The following TRMT61B variants were observed in gnomAD, a reference collection of about 807,000 sequenced individuals.
The protein encoded by TRMT61B is tRNA methyltransferase 61B.
Under a neutral mutation model 52.0 loss-of-function variants are expected in TRMT61B, and 56 were observed. The ratio of observed to expected loss-of-function variants is 1.08; its 90% CI spans 0.87 to 1.35. TRMT61B has a LOEUF of 1.35. Among genes scored for constraint, TRMT61B ranks in the 40% most tolerant of loss-of-function variants. The probability of loss-of-function intolerance (pLI) is 0.00; values close to 1 mark genes in which losing one functional copy is unlikely to be tolerated. For missense variants in TRMT61B, 650 were observed against 577.9 expected (o/e 1.12, Z -1.28); for synonymous variants, 206 against 220.0 (o/e 0.94, Z 0.56).
rs6715853 is a variant in TRMT61B at position 28,857,251 on chromosome 2, T to A, written c.993+3867A>T. Among the ~76,000 whole-genome samples the A allele has an allele frequency of 2.6e-3, 396 of 152,064 alleles. 1 individual carries two copies. The highest frequency in any genetic ancestry group is 9.1e-3 in the African/African-American group (376 of 41,498). ...GCCTGGCCCACAGCTATTTTTTTTTTAATTTTTTAATATTTCTTATTCATT... is the reference window on the plus strand; with the variant it reads ...GCCTGGCCCACAGCTATTTTTTTTTAAATTTTTTAATATTTCTTATTCATT... On this transcript the variant is annotated intron_variant, in intron 3 of 6. Coordinates refer to ENST00000306108, the MANE Select transcript of TRMT61B (RefSeq NM_017910.4).
intron 3 of TRMT61B, among the ~76,000 whole-genome samples, chr2:28,855,414 G>C (rs1278913509): frequency 1.3e-5 from 2 of 152,176 alleles, no homozygotes; most frequent in African/African-American, 4.8e-5. Context: ...AGAATGCAAG[G>C]AAGGATGACA....
intron 1 of TRMT61B, 40 bp downstream of exon 1, chr2:28,869,539 C>G: frequency 7.0e-7 from 1 of 1,427,902 alleles, no homozygotes; most frequent in Non-Finnish European, 9.7e-7. Flanking sequence ...TGTCTTTGCC[C>G]CTCCTGAAAC....
At chr2:28,862,612 C>T (rs375878887) in intron 2 of TRMT61B, among the ~76,000 whole-genome samples, 2 of 151,540 alleles carry the variant, frequency 1.3e-5, no homozygotes, top group Middle Eastern at 3.4e-3. Flanking sequence ...GGATTACAGA[C>T]GTGAGCCACC....
At chr2:28,864,926 A>G (rs1669765673) in intron 2 of TRMT61B, 91 bp downstream of exon 2, 2 of 740,722 alleles carry the variant, frequency 2.7e-6, no homozygotes, top group African/African-American at 3.5e-5. Context: ...AATGTTAGGT[A>G]TTTTCCCAAA....
chr2:28,857,737 A>T (rs1253893193), intron 3 of TRMT61B, among the ~76,000 whole-genome samples: 1 of 152,184 alleles, frequency 6.6e-6, no homozygotes, highest in East Asian at 1.9e-4. Context: ...ATGGACCCCA[A>T]ACTTATTTCC....
intron 4 of TRMT61B, 71 bp from the exon 5 acceptor site, chr2:28,851,369 C>T: frequency 9.7e-7 from 1 of 1,033,364 alleles, no homozygotes; most frequent in Non-Finnish European, 1.4e-6. Context: ...TTCCCTATAC[C>T]TCTTGCCCAC....
chr2:28,858,234 G>T (rs575049500), intron 3 of TRMT61B, among the ~76,000 whole-genome samples: 1 of 151,968 alleles, frequency 6.6e-6, no homozygotes, highest in South Asian at 2.1e-4. Flanking sequence ...TAGAGATGGG[G>T]TTTCACCATG....
At position 28,870,260 on chromosome 2, in the gene TRMT61B, G is replaced by T; in HGVS notation, c.18C>A (p.Cys6Ter). The change falls in exon 1 of 7, where the codon TGC (cysteine) becomes TGA (stop). Residue 6 changes from cysteine (C) to a stop codon, truncating the protein, a stop_gained. Coordinates refer to ENST00000306108, the MANE Select transcript of TRMT61B (RefSeq NM_017910.4). LOFTEE classifies it high-confidence loss of function. MLMAW[C>*]RGPVLLCLRQ... is the part of the protein sequence containing the mutation. ...GCAGGCACAGCAAGACAGGACCGCGGCACCATGCCATTAGCATAGTGTTTC... is the reference window on the plus strand; with the variant it reads ...GCAGGCACAGCAAGACAGGACCGCGTCACCATGCCATTAGCATAGTGTTTC... 6.3e-7 allele frequency: 1 copy of T among 1,593,996 alleles called. No individual in the cohort carries two copies.
chr2:28,853,063 G>A (rs1246751491), intron 3 of TRMT61B, among the ~76,000 whole-genome samples: 1 of 152,044 alleles, frequency 6.6e-6, no homozygotes, highest in African/African-American at 2.4e-5. Flanking sequence ...GGCTATGTAT[G>A]TATATATGAA....
At chr2:28,868,016 C>T (rs1669921152) in intron 1 of TRMT61B, among the ~76,000 whole-genome samples, 1 of 152,146 alleles carries the variant, frequency 6.6e-6, no homozygotes, top group Middle Eastern at 3.2e-3. Context: ...TGAGCCACTG[C>T]ACTCTAGCCT....
At chr2:28,859,783 C>G (rs1669519301) in intron 3 of TRMT61B, among the ~76,000 whole-genome samples, 1 of 152,174 alleles carries the variant, frequency 6.6e-6, no homozygotes, top group Non-Finnish European at 1.5e-5. Flanking sequence ...AAGCAAAATT[C>G]TGATGACCAA....
intron 2 of TRMT61B, among the ~76,000 whole-genome samples, chr2:28,863,412 C>A (rs1445460721): frequency 1.5e-5 from 2 of 136,620 alleles, no homozygotes; most frequent in South Asian, 2.3e-4. Context: ...AACTGGGGAA[C>A]AGAGTGAGAA....
chr2:28,870,105 T>C lies in TRMT61B; in HGVS notation c.173A>G (p.Gln58Arg). 6.2e-7 allele frequency: 1 copy of C among 1,614,072 alleles called. No individual in the cohort carries two copies. The highest frequency in any genetic ancestry group is 8.5e-7 in the Non-Finnish European group (1 of 1,180,032). Residue 58 changes from glutamine to arginine, a missense_variant, in exon 1 of 7, where the codon CAA (glutamine) becomes CGA (arginine). Transcript: ENST00000306108. ...RDGEREHEAA[Q>R]RKAPGAESCP... ...AGACTCTGCTCCTGGGGCTTTCCTT[T>C]GTGCCGCCTCGTGCTCTCTTTCTCC...
At position 28,861,249 on chromosome 2, in the gene TRMT61B, T is replaced by A; in HGVS notation, c.862A>T (p.Lys288Ter). 6.2e-7 allele frequency: 1 copy of A among 1,613,368 alleles called. No individual in the cohort carries two copies. Among genetic ancestry groups the A allele is most frequent in the African/African-American group, 1.3e-5 (1 of 75,040 alleles). ...TCACGCCAGTGTTTGTAATTCTTCT[T>A]AGCCAGATCATGGTGGTCTTTTCGT... is the stretch of plus-strand genomic sequence containing the variant. ...EVRKDHHDLA[K>*]KNYKHWRDSW... Residue 288 changes from lysine (K) to a stop codon, truncating the protein, a stop_gained, in exon 3 of 7, where the codon AAG becomes TAG. Coordinates refer to ENST00000306108, the MANE Select transcript of TRMT61B (RefSeq NM_017910.4). LOFTEE classifies it high-confidence loss of function.
In TRMT61B at chr2:28,852,514, AAG is replaced by A; in HGVS notation, c.994-17_994-16del. 1.3e-6 allele frequency: 2 copies of A among 1,531,784 alleles called. No individual in the cohort carries two copies. Among genetic ancestry groups the A allele is most frequent in the Non-Finnish European group, 1.8e-6 (2 of 1,114,470 alleles). The allele number at this position is 1,531,784 out of a possible 1,614,324, so 94.9% of individuals were successfully genotyped here. A position where few individuals can be genotyped will look rare whatever the true frequency, so the allele number is the denominator to read the frequency against. On this transcript the variant is annotated splice_polypyrimidine_tract_variant and intron_variant, in intron 3 of 6. Transcript: ENST00000306108. ...TCCAAAGCTACCTGTGTGGGGGAAA[AAG>A]AGAACTGGATCAGTCTGATTCCGTT... is the stretch of plus-strand genomic sequence containing the variant.
chr2:28,868,436 A>G (rs1269168130), intron 1 of TRMT61B, among the ~76,000 whole-genome samples: 1 of 152,228 alleles, frequency 6.6e-6, no homozygotes. Flanking sequence ...ATTTGTCTTC[A>G]TGACACTTAA....
chr2:28,854,531 C>G (rs997423371), intron 3 of TRMT61B, among the ~76,000 whole-genome samples: 1 of 151,800 alleles, frequency 6.6e-6, no homozygotes, highest in African/African-American at 2.4e-5. Context: ...CCTGAGGTCA[C>G]GAGTTCAAGA....
intron 3 of TRMT61B, among the ~76,000 whole-genome samples, chr2:28,858,819 A>AG (rs1669466265): frequency 4.0e-5 from 6 of 148,776 alleles, no homozygotes; most frequent in African/African-American, 1.5e-4. Context: ...AAAAAAAAAA[A>AG]GAAAAGCTCC....
At position 28,849,850 on chromosome 2, in the gene TRMT61B, T is replaced by C. The variant is rs1170249723; in HGVS notation, c.*349A>G. On this transcript the variant is annotated 3_prime_UTR_variant, in exon 7 of 7. Coordinates refer to ENST00000306108, the MANE Select transcript of TRMT61B (RefSeq NM_017910.4). ...TCTTAAAATGCATATTTTATTTCAG[T>C]AGTCAATGACCATCAATCAAATAAA... 2.0e-6 allele frequency: 3 copies of C among 1,503,670 alleles called. No homozygotes were observed. In the African/African-American group the frequency reaches 4.2e-5, roughly 21 times the overall value. 93.1% of individuals were successfully genotyped at this position (1,503,670 alleles called of 1,614,324 possible). A position where few individuals can be genotyped will look rare whatever the true frequency, so the allele number is the denominator to read the frequency against.
Sources: gnomAD v4.1 joint callset for allele counts (sites outside exome capture counted in the v4.1 genomes callset) on GRCh38, gnomAD v4.1.1 for gene constraint, MANE v1.5 for transcripts, NCBI Gene and HGNC (gene_info 2026-07-23, HGNC 2026-07-21) for gene names.